Variants in CDK12 observed in about 807,000 individuals in gnomAD.
The protein encoded by CDK12 is cyclin-dependent kinase 12.
In CDK12, 17 loss-of-function variants were observed where a neutral mutation model predicts 133.8. The ratio of observed to expected loss-of-function variants is 0.13; its 90% CI spans 0.09 to 0.19. The LOEUF (loss-of-function observed/expected upper bound fraction) is 0.19. Among genes scored for constraint, CDK12 ranks in the 10% least tolerant of loss-of-function variants. The probability of loss-of-function intolerance (pLI) is 1.00; values close to 1 mark genes in which losing one functional copy is unlikely to be tolerated. For synonymous variants in CDK12, 694 were observed against 683.6 expected, an observed-to-expected ratio of 1.02 and a Z score of -0.24; for missense variants, 1,508 against 1,818.7, an observed-to-expected ratio of 0.83 and a Z score of 3.11.
rs1049414197 is a variant in CDK12, at chr17:39,524,734, A to G, written c.3156A>G (p.Gln1052=). The change falls in exon 12 of 14, where the codon CAA becomes CAG. Residue 1052 remains glutamine, a synonymous_variant. Transcript: ENST00000447079. The part of the protein sequence containing the change: ...LWSKKRRRQR[Q]SGVVVEEPPP... ...GTAAGAAACGGCGACGTCAGCGACA[A>G]AGTGGTGTTGTAGTCGAAGAGCCAC... 1 of 1,614,220 alleles carries G rather than the reference A, an allele frequency of 6.2e-7. No homozygotes were observed. The highest frequency in any genetic ancestry group is 8.5e-7 in the Non-Finnish European group (1 of 1,180,046).
At chr17:39,487,795 A>T (rs2145753012) in intron 2 of CDK12, among the ~76,000 whole-genome samples, 1 of 151,872 alleles carries the variant, frequency 6.6e-6, no homozygotes, top group East Asian at 1.9e-4. Context: ...ATCTTTATTT[A>T]ATAGAGATGA....
In CDK12 at chr17:39,530,280, A is replaced by G. The variant is rs567696840; in HGVS notation, c.3761-324A>G. On this transcript the variant is annotated intron_variant, in intron 13 of 13. Transcript: ENST00000447079. ...TGTTTTAATGTTTCCATCTAACAGC[A>G]AAAAGGGGCAGGGAGTCTGCCAACA... 4 of 229,844 alleles carry G rather than the reference A, an allele frequency of 1.7e-5. No homozygotes were observed. The East Asian group carries it at 3.4e-4, about 19-fold the overall frequency. The allele number at this position is 229,844 out of a possible 1,614,324, so 14.2% of individuals were successfully genotyped here.
In CDK12 at chr17:39,463,132, T is replaced by G. The variant is rs1409083337; in HGVS notation, c.1046+15T>G. 2 of 1,606,786 alleles carry G rather than the reference T, an allele frequency of 1.2e-6. No homozygotes were observed. The highest frequency in any genetic ancestry group is 2.2e-5 in the South Asian group (2 of 90,622). The stretch of plus-strand genomic sequence containing the variant: ...CCACTCCCCAGGTGAGCTATTTGTC[T>G]AACAGTCCTTCCTCATTTAGGGTGG... On this transcript the variant is annotated intron_variant, in intron 1 of 13. Coordinates refer to ENST00000447079, the MANE Select transcript of CDK12 (RefSeq NM_016507.4).
At chr17:39,505,165 G>A (rs1425039440) in intron 6 of CDK12, among the ~76,000 whole-genome samples, 1 of 148,918 alleles carries the variant, frequency 6.7e-6, no homozygotes, top group Non-Finnish European at 1.5e-5. Context: ...GGAGACAGAG[G>A]TTGCAGTGAG....
intron 2 of CDK12, among the ~76,000 whole-genome samples, chr17:39,485,504 C>T (rs557279111): frequency 4.2e-4 from 63 of 150,356 alleles, no homozygotes; most frequent in African/African-American, 1.2e-3. Flanking sequence ...CTCCACCTCC[C>T]GGGTTCAGGT....
intron 3 of CDK12, among the ~76,000 whole-genome samples, chr17:39,559,068 C>T (rs1360968988): frequency 1.3e-5 from 2 of 152,206 alleles, no homozygotes; most frequent in African/African-American, 2.4e-5. Context: ...ATTTATTAGT[C>T]TTCCTCATTG....
chr17:39,517,648 G>C lies in CDK12; in HGVS notation c.2963+92G>C. 9.7e-6 allele frequency: 7 copies of C among 725,324 alleles called. 1 individual carries two copies. The South Asian group carries it at 1.1e-4, about 12-fold the overall frequency. The allele number at this position is 725,324 out of a possible 1,614,324, so 44.9% of individuals were successfully genotyped here. On this transcript the variant is annotated intron_variant, in intron 10 of 13. Coordinates refer to ENST00000447079, the MANE Select transcript of CDK12 (RefSeq NM_016507.4). ...GGTCTGGGTAGTTAATGTTGTCCCA[G>C]TTTATCATGGCAACACAGTGTAGGA... is the stretch of plus-strand genomic sequence containing the variant.
chr17:39,563,941 G>A (rs1214249708), intron 3 of CDK12, among the ~76,000 whole-genome samples: 2 of 152,140 alleles, frequency 1.3e-5, no homozygotes, highest in Non-Finnish European at 2.9e-5. Context: ...TCCATTTTCC[G>A]GTTCTTGATG....
chr17:39,530,373 T>G (rs1312897530), intron 13 of CDK12: 1 of 491,250 alleles, frequency 2.0e-6, no homozygotes, highest in Non-Finnish European at 3.4e-6. Flanking sequence ...ATCAGGATAA[T>G]CATTTGAAAC....
At chr17:39,546,963 C>G (rs895542641), upstream of CDK12, among the ~76,000 whole-genome samples, 11 of 152,004 alleles carry the variant, frequency 7.2e-5, no homozygotes, top group African/African-American at 2.7e-4. Flanking sequence ...TAGTTCATGA[C>G]CATTTTTCCC....
chr17:39,564,769 T>TAG (rs915099139), exon 4 of CDK12: 1 of 152,180 alleles, frequency 6.6e-6, no homozygotes, highest in African/African-American at 2.4e-5. Context: ...GCACCTGCCT[T>TAG]AGAGAGCTCT....
Position 39,515,828 on chromosome 17 carries a change from CTT to C in CDK12, c.2846+21_2846+22del. 1 of 1,554,018 alleles carries C rather than the reference CTT, an allele frequency of 6.4e-7. No homozygotes were observed. The highest frequency in any genetic ancestry group is 2.3e-5 in the East Asian group (1 of 44,424). On this transcript the variant is annotated intron_variant, in intron 9 of 13. Coordinates refer to ENST00000447079, the MANE Select transcript of CDK12 (RefSeq NM_016507.4). The stretch of plus-strand genomic sequence containing the variant: ...GATCAGGTACAGCTGTACATGTGCT[CTT>C]GAGTGCCCAGGTGTGATAGGTATTC...
intron 6 of CDK12, among the ~76,000 whole-genome samples, chr17:39,505,098 G>C (rs2053013293): frequency 6.6e-6 from 1 of 151,060 alleles, no homozygotes; most frequent in South Asian, 2.1e-4. Context: ...GCATGGTGGC[G>C]CATGCCTGTA....
At chr17:39,492,015 A>T (rs867366695) in intron 3 of CDK12, among the ~76,000 whole-genome samples, 1,514 of 143,336 alleles carry the variant, frequency 0.011, 23 homozygotes, top group African/African-American at 0.031. Context: ...TAGAGTACTA[A>T]AAAAAAAAAA....
intron 5 of CDK12, among the ~76,000 whole-genome samples, chr17:39,498,308 T>C (rs1294338268): frequency 6.6e-6 from 1 of 152,076 alleles, no homozygotes; most frequent in Non-Finnish European, 1.5e-5. Flanking sequence ...CACTGCAGCT[T>C]CCACCTCCTG....
intron 11 of CDK12, among the ~76,000 whole-genome samples, chr17:39,520,625 A>G (rs1032079986): frequency 2.6e-5 from 4 of 152,050 alleles, no homozygotes; most frequent in Non-Finnish European, 5.9e-5. Flanking sequence ...TCCTGACCTC[A>G]GGTGACCCAC....
intron 2 of CDK12, among the ~76,000 whole-genome samples, chr17:39,477,901 T>A (rs1325574649): frequency 1.3e-5 from 2 of 151,862 alleles, no homozygotes; most frequent in East Asian, 3.9e-4. Context: ...AGAGACGGGG[T>A]TTCACTACAT....
rs1555553398 is a variant in CDK12 at position 39,476,711 on chromosome 17, C to CAT, written c.1931+4948_1931+4949insAT. 2.1e-3 allele frequency among the ~76,000 whole-genome samples: 178 copies of CAT among 84,524 alleles called. 29 individuals are homozygous for CAT. The highest frequency in any genetic ancestry group is 3.1e-3 in the African/African-American group (55 of 17,562). 55.5% of individuals were successfully genotyped at this position (84,524 alleles called of 152,430 possible). A position where few individuals can be genotyped will look rare whatever the true frequency, so the allele number is the denominator to read the frequency against. On this transcript the variant is annotated intron_variant, in intron 2 of 13. Coordinates refer to ENST00000447079, the MANE Select transcript of CDK12 (RefSeq NM_016507.4). ...TACAGGCATGAGCCACCATGCCTGCCTTTTTTTTTTTTTTTTTTTTTTTTT... is the reference window on the plus strand; with the variant it reads ...TACAGGCATGAGCCACCATGCCTGCCATTTTTTTTTTTTTTTTTTTTTTTTTT...
At chr17:39,505,453 AG>A (rs2053045672) in intron 6 of CDK12, among the ~76,000 whole-genome samples, 1 of 131,012 alleles carries the variant, frequency 7.6e-6, no homozygotes, top group South Asian at 2.5e-4. Context: ...TGAACCCGGG[AG>A]GTGGAGGTTG....
Sources: gnomAD v4.1 joint callset for allele counts (sites outside exome capture counted in the v4.1 genomes callset) on GRCh38, gnomAD v4.1.1 for gene constraint, MANE v1.5 for transcripts, NCBI Gene and HGNC (gene_info 2026-07-23, HGNC 2026-07-21) for gene names.